Variants in RNF2 observed in about 807,000 individuals in gnomAD.
The protein encoded by RNF2 is E3 ubiquitin-protein ligase RING2.
Under a neutral mutation model 37.2 loss-of-function variants are expected in RNF2, and 6 were observed. The ratio of observed to expected loss-of-function variants is 0.16; its 90% CI spans 0.09 to 0.32. The LOEUF (loss-of-function observed/expected upper bound fraction) is 0.32. Ranked by LOEUF, RNF2 falls within the 10% of genes least tolerant of loss-of-function variation. The pLI is 1.00. For synonymous variants in RNF2, 133 were observed against 132.7 expected (o/e 1.00, Z -0.02); for missense variants, 251 against 404.0 (o/e 0.62, Z 3.25).
Position 185,091,992 on chromosome 1 carries a change from T to C in RNF2, c.248+253T>C, listed in dbSNP as rs1571324390. On this transcript the variant is annotated intron_variant, in intron 3 of 6. Transcript: ENST00000367510. ...ACCGTGGCCGGCTAGTTTTTTTTTTTTTTTGTATTTTTAGTAGAGACGGGG... is the reference window on the plus strand; with the variant it reads ...ACCGTGGCCGGCTAGTTTTTTTTTTCTTTTGTATTTTTAGTAGAGACGGGG... 1.6e-5 allele frequency: 5 copies of C among 310,300 alleles called. No individual in the cohort carries two copies. The East Asian group carries it at 2.8e-4, about 17-fold the overall frequency. 19.2% of individuals were successfully genotyped at this position (310,300 alleles called of 1,614,324 possible). A position where few individuals can be genotyped will look rare whatever the true frequency, so the allele number is the denominator to read the frequency against.
chr1:185,082,626 G>T (rs546765467), intron 1 of RNF2, among the ~76,000 whole-genome samples: 1 of 151,952 alleles, frequency 6.6e-6, no homozygotes, highest in East Asian at 1.9e-4. Flanking sequence ...AAGTGCTGGG[G>T]TTACAGGCGT....
intron 1 of RNF2, among the ~76,000 whole-genome samples, chr1:185,054,983 AG>A: frequency 6.6e-6 from 1 of 152,346 alleles, no homozygotes; most frequent in East Asian, 1.9e-4. Context: ...TACAGGCATG[AG>A]CCAATGCACC....
intron 1 of RNF2, among the ~76,000 whole-genome samples, chr1:185,047,753 A>G (rs553143820): frequency 1.3e-5 from 2 of 152,356 alleles, no homozygotes; most frequent in East Asian, 3.9e-4. Flanking sequence ...TAAACTAAAA[A>G]TCCATCACAG....
chr1:185,053,765 A>G (rs922972419), intron 1 of RNF2, among the ~76,000 whole-genome samples: 4 of 152,214 alleles, frequency 2.6e-5, no homozygotes, highest in Admixed American at 1.3e-4. Context: ...ATAGGCTCTC[A>G]ATAAATATCT....
In RNF2 at chr1:185,075,918, C is replaced by T. The variant is rs920917540; in HGVS notation, c.-2-11634C>T. 9.2e-5 allele frequency among the ~76,000 whole-genome samples: 14 copies of T among 152,194 alleles called. No individual in the cohort carries two copies. In the East Asian group the frequency reaches 9.7e-4, roughly 10 times the overall value. On this transcript the variant is annotated intron_variant, in intron 1 of 6. Coordinates refer to ENST00000367510, the MANE Select transcript of RNF2 (RefSeq NM_007212.4). ...GACAAAAAATAGAGCCTATATAGAA[C>T]GCATTGTTTTGATTTGCAATTTACT... is the stretch of plus-strand genomic sequence containing the variant.
At chr1:185,078,374 A>AACT (rs1651238240) in intron 1 of RNF2, among the ~76,000 whole-genome samples, 1 of 152,128 alleles carries the variant, frequency 6.6e-6, no homozygotes, top group Admixed American at 6.5e-5. Context: ...TTAGCTCTGT[A>AACT]ACCTCTTCTT....
chr1:185,055,131 A>C (rs1198302968), intron 1 of RNF2, among the ~76,000 whole-genome samples: 1 of 152,244 alleles, frequency 6.6e-6, no homozygotes, highest in African/African-American at 2.4e-5. Context: ...GAATAGGGAA[A>C]GTATGCTCTG....
intron 1 of RNF2, among the ~76,000 whole-genome samples, chr1:185,050,978 G>A (rs1272178277): frequency 6.6e-6 from 1 of 152,154 alleles, no homozygotes; most frequent in Non-Finnish European, 1.5e-5. Context: ...TCCACTCTTT[G>A]TTGTCTTTTT....
chr1:185,079,590 T>G (rs1356107314), intron 1 of RNF2, among the ~76,000 whole-genome samples: 3 of 152,214 alleles, frequency 2.0e-5, no homozygotes, highest in Non-Finnish European at 4.4e-5. Flanking sequence ...AACAGTCATT[T>G]TATTTTATAA....
intron 4 of RNF2, among the ~76,000 whole-genome samples, chr1:185,095,970 T>A (rs936740052): frequency 1.3e-5 from 2 of 152,192 alleles, no homozygotes; most frequent in African/African-American, 4.8e-5. Context: ...TTGATAAATG[T>A]AGGATATAAT....
At chr1:185,064,973 G>A (rs372241396) in intron 1 of RNF2, among the ~76,000 whole-genome samples, 3 of 152,072 alleles carry the variant, frequency 2.0e-5, no homozygotes, top group East Asian at 3.9e-4. Flanking sequence ...TTGTGTGTAT[G>A]TGTGGAGTCT....
At chr1:185,092,882 A>G (rs2102201636) in intron 3 of RNF2, among the ~76,000 whole-genome samples, 179 bp from the exon 4 acceptor site, 1 of 152,268 alleles carries the variant, frequency 6.6e-6, no homozygotes, top group South Asian at 2.1e-4. Context: ...GAGGTTTCCA[A>G]AATCTTGCTT....
At chr1:185,093,764 TTGTA>T (rs1367019637) in intron 4 of RNF2, among the ~76,000 whole-genome samples, 1 of 152,242 alleles carries the variant, frequency 6.6e-6, no homozygotes, top group Non-Finnish European at 1.5e-5. Context: ...TTGGTTCCCT[TTGTA>T]TGTCATTAAC....
intron 5 of RNF2, among the ~76,000 whole-genome samples, chr1:185,098,610 A>G (rs544618199): frequency 2.0e-5 from 3 of 152,334 alleles, no homozygotes; most frequent in South Asian, 2.1e-4. Context: ...TAGAGTACCA[A>G]TAGGCTCTAA....
intron 4 of RNF2, 113 bp downstream of exon 4, chr1:185,093,389 A>AAAGGTAATCATGCAG: frequency 4.4e-6 from 4 of 905,776 alleles, no homozygotes; most frequent in Non-Finnish European, 6.9e-6. Context: ...GTACTGCATG[A>AAAGGTAATCATGCAG]TTACCTTTCG....
At chr1:185,058,941 C>G (rs1446041026) in intron 1 of RNF2, among the ~76,000 whole-genome samples, 4 of 152,142 alleles carry the variant, frequency 2.6e-5, no homozygotes, top group Non-Finnish European at 5.9e-5. Context: ...CATACTTTTG[C>G]TGCTTTTGTG....
At chr1:185,087,289 G>A (rs1651629109) in intron 1 of RNF2, among the ~76,000 whole-genome samples, 1 of 152,160 alleles carries the variant, frequency 6.6e-6, no homozygotes, top group Non-Finnish European at 1.5e-5. Context: ...TCTGGTGAGG[G>A]CCTATTCCTT....
chr1:185,097,715 T>C (rs1167599915), intron 4 of RNF2, among the ~76,000 whole-genome samples: 1 of 152,156 alleles, frequency 6.6e-6, no homozygotes, highest in Non-Finnish European at 1.5e-5. Context: ...TTTTTTGTTG[T>C]TGGTAGAGAC....
At chr1:185,067,851 C>T (rs536722988) in intron 1 of RNF2, among the ~76,000 whole-genome samples, 8 of 149,112 alleles carry the variant, frequency 5.4e-5, no homozygotes, top group African/African-American at 2.0e-4. Flanking sequence ...GCTGGGACTA[C>T]AGGCGCCTGC....
Sources: gnomAD v4.1 joint callset for allele counts (sites outside exome capture counted in the v4.1 genomes callset) on GRCh38, gnomAD v4.1.1 for gene constraint, MANE v1.5 for transcripts, NCBI Gene and HGNC (gene_info 2026-07-23, HGNC 2026-07-21) for gene names.